MCTP1: variants seen among roughly 807,000 people sequenced by gnomAD.
MCTP1 encodes the protein multiple C2 and transmembrane domain-containing protein 1.
MCTP1 carries 69 observed loss-of-function variants against 120.6 expected under a neutral mutation model. The ratio of observed to expected loss-of-function variants is 0.57; its 90% CI spans 0.47 to 0.70. The LOEUF (loss-of-function observed/expected upper bound fraction) is 0.70, where lower values mean the gene tolerates loss of function less well. Ranked by LOEUF, MCTP1 falls within the 30% of genes least tolerant of loss-of-function variation. The probability of loss-of-function intolerance (pLI) is 0.00; values close to 1 mark genes in which losing one functional copy is unlikely to be tolerated. For synonymous variants in MCTP1, 529 were observed against 493.1 expected (o/e 1.07, Z -0.96); for missense variants, 1,203 against 1,248.8 (o/e 0.96, Z 0.55).
intron 17 of MCTP1, among the ~76,000 whole-genome samples, chr5:94,856,672 A>G (rs948353911): frequency 3.3e-5 from 5 of 151,766 alleles, no homozygotes; most frequent in Non-Finnish European, 2.9e-5. Flanking sequence ...GGTACTTTAT[A>G]CAGGAAAGAT....
intron 13 of MCTP1, 101 bp from the exon 14 acceptor site, chr5:94,871,518 G>A: frequency 1.2e-6 from 1 of 800,750 alleles, no homozygotes; most frequent in Non-Finnish European, 2.1e-6. Flanking sequence ...TTTTGTGTGT[G>A]TTTGTAAGCA....
At chr5:94,788,360 T>A (rs907300593) in intron 18 of MCTP1, among the ~76,000 whole-genome samples, 1 of 152,190 alleles carries the variant, frequency 6.6e-6, no homozygotes, top group East Asian at 1.9e-4. Context: ...AGGTATCTCA[T>A]ACAACGCTTT....
intron 2 of MCTP1, among the ~76,000 whole-genome samples, chr5:94,953,858 TGC>T (rs1821364757): frequency 7.2e-5 from 8 of 111,158 alleles, no homozygotes; most frequent in Non-Finnish European, 1.2e-4. Context: ...ACTATATATA[TGC>T]ATATATATAC....
chr5:95,126,881 A>G (rs997796195), intron 1 of MCTP1, among the ~76,000 whole-genome samples: 1 of 152,222 alleles, frequency 6.6e-6, no homozygotes, highest in African/African-American at 2.4e-5. Flanking sequence ...ATGTAATATA[A>G]AAGCAAATCT....
chr5:95,262,201 G>A (rs1181243927), intron 1 of MCTP1, among the ~76,000 whole-genome samples: 2 of 152,236 alleles, frequency 1.3e-5, no homozygotes, highest in East Asian at 3.9e-4. Flanking sequence ...TTCATGAGTC[G>A]AGCTGAAATT....
At chr5:95,099,104 C>G (rs1325947055) in intron 1 of MCTP1, among the ~76,000 whole-genome samples, 2 of 151,332 alleles carry the variant, frequency 1.3e-5, no homozygotes, top group African/African-American at 4.8e-5. Flanking sequence ...TTCCTTACAC[C>G]TTATACAAAA....
At chr5:95,090,713 A>T (rs1755783850) in intron 1 of MCTP1, among the ~76,000 whole-genome samples, 1 of 152,204 alleles carries the variant, frequency 6.6e-6, no homozygotes, top group Non-Finnish European at 1.5e-5. Flanking sequence ...GGCTGTCCAG[A>T]TTCAACCTGA....
intron 1 of MCTP1, among the ~76,000 whole-genome samples, chr5:95,232,022 G>A (rs550143351): frequency 4.6e-5 from 7 of 151,916 alleles, no homozygotes; most frequent in South Asian, 2.1e-4. Context: ...AGGAGTTTTA[G>A]TAGCATCCCC....
intron 19 of MCTP1, among the ~76,000 whole-genome samples, chr5:94,738,962 A>G (rs1358914487): frequency 6.6e-6 from 1 of 152,184 alleles, no homozygotes; most frequent in Non-Finnish European, 1.5e-5. Context: ...GCTAGTTAAA[A>G]CACATGTGAT....
chr5:95,267,506 AGGG>A (rs1290323407), intron 1 of MCTP1, among the ~76,000 whole-genome samples: 2 of 152,204 alleles, frequency 1.3e-5, no homozygotes, highest in Non-Finnish European at 2.9e-5. Context: ...ATGTTTTTCC[AGGG>A]GGAAAGACAC....
At position 95,284,346 on chromosome 5, in the gene MCTP1, C is replaced by G. The variant is rs1299193633; in HGVS notation, c.230G>C (p.Arg77Thr). The change falls in exon 1 of 23, where the codon AGG becomes ACG. Residue 77 changes from arginine to threonine, a missense_variant. Transcript: ENST00000515393. This position sits in a 1 kb window ranked among gnomAD's most constrained non-coding sequence, Gnocchi z 5.2. ...CTTCCGCTTCTTGAAGCCGCTCCAC[C>G]TGCTGCCTGCACCACTCCCCCTGGC... ...APARGSGAGS[R>T]WSGFKKRKQV... 3 of 1,596,896 alleles carry G rather than the reference C, an allele frequency of 1.9e-6. No homozygotes were observed. Among genetic ancestry groups the G allele is most frequent in the Non-Finnish European group, 2.5e-6 (3 of 1,179,308 alleles).
chr5:94,844,116 A>G (rs1347474036), intron 17 of MCTP1, among the ~76,000 whole-genome samples: 2 of 152,020 alleles, frequency 1.3e-5, no homozygotes, highest in Non-Finnish European at 2.9e-5. Context: ...CAGCCTGACT[A>G]ACATGGTGAA....
At chr5:95,214,726 G>T (rs1752833630) in intron 1 of MCTP1, among the ~76,000 whole-genome samples, 1 of 152,050 alleles carries the variant, frequency 6.6e-6, no homozygotes, top group South Asian at 2.1e-4. Context: ...GGACATGGAT[G>T]AAGCTGGAAA....
In MCTP1 at chr5:95,051,267, AC is replaced by A. The variant is rs1203977183; in HGVS notation, c.721-33784del. On this transcript the variant is annotated intron_variant, in intron 1 of 22. Transcript: ENST00000515393. ...TTATTTTGGCCAAAGCCTGCCTTGTACCCCAGTCTTAGCCAATTCCATCCCA... is the reference window on the plus strand; with the variant it reads ...TTATTTTGGCCAAAGCCTGCCTTGTACCCAGTCTTAGCCAATTCCATCCCA... 2.6e-5 allele frequency among the ~76,000 whole-genome samples: 4 copies of A among 152,272 alleles called. No individual in the cohort carries two copies. In the East Asian group the frequency reaches 7.7e-4, roughly 29 times the overall value.
chr5:94,866,928 T>A (rs1194395850), intron 17 of MCTP1, among the ~76,000 whole-genome samples: 1 of 151,928 alleles, frequency 6.6e-6, no homozygotes, highest in Non-Finnish European at 1.5e-5. Flanking sequence ...TTTCTGGTCT[T>A]TTCAAATTTT....
rs147859589 is a variant in MCTP1 at position 95,245,307 on chromosome 5, A to G, written c.720+38549T>C. Among the ~76,000 whole-genome samples, 1,103 of 152,370 alleles carry G rather than the reference A, an allele frequency of 7.2e-3. 12 individuals are homozygous for G. The highest frequency in any genetic ancestry group is 0.03 in the South Asian group (146 of 4,834). Reference sequence around the variant, plus strand: ...ACAGCTCCTCGCCAGCAAGGGAACAAAGCTGGATGGAGAATGACTTTGACA... The same window carrying G: ...ACAGCTCCTCGCCAGCAAGGGAACAGAGCTGGATGGAGAATGACTTTGACA... On this transcript the variant is annotated intron_variant, in intron 1 of 22. Transcript: ENST00000515393.
At chr5:95,166,917 C>CTTTTTTTTTTTT (rs386404479) in intron 1 of MCTP1, among the ~76,000 whole-genome samples, 3 of 137,864 alleles carry the variant, frequency 2.2e-5, no homozygotes, top group African/African-American at 5.4e-5. Flanking sequence ...CCTTTCTATT[C>CTTTTTTTTTTTT]TTTTTTTTTT....
At chr5:94,752,095 A>G (rs1768507160) in intron 19 of MCTP1, among the ~76,000 whole-genome samples, 1 of 129,110 alleles carries the variant, frequency 7.7e-6, no homozygotes, top group Non-Finnish European at 1.7e-5. Context: ...GTACCCTAAA[A>G]CTTAAATAAT....
intron 1 of MCTP1, among the ~76,000 whole-genome samples, chr5:95,073,049 C>T (rs1264898430): frequency 6.6e-6 from 1 of 152,118 alleles, no homozygotes; most frequent in Non-Finnish European, 1.5e-5. Flanking sequence ...TGGAGGACCT[C>T]TTTCTCAAGC....
Sources: gnomAD v4.1 joint callset for allele counts (sites outside exome capture counted in the v4.1 genomes callset) on GRCh38, gnomAD v4.1.1 for gene constraint, Gnocchi (gnomAD v3.1) non-coding constraint, MANE v1.5 for transcripts, NCBI Gene and HGNC (gene_info 2026-07-23, HGNC 2026-07-21) for gene names.